MTCL2: variants seen among roughly 807,000 people sequenced by gnomAD.
MTCL2 encodes microtubule crosslinking factor 2.
the MTCL2 span, chr20:36,784,692 G>A: frequency 6.1e-6 from 6 of 985,348 alleles, no homozygotes; most frequent in African/African-American, 1.7e-5. Flanking sequence ...GAGCCACATC[G>A]AAATCCAACC....
At chr20:36,808,677 G>A in the MTCL2 span, 8 of 1,611,060 alleles carry the variant, frequency 5.0e-6, no homozygotes, top group East Asian at 4.5e-5. Flanking sequence ...TCCAGCCTCC[G>A]CTGGAGGCTC....
the MTCL2 span, among the ~76,000 whole-genome samples, chr20:36,790,475 C>T: frequency 7.1e-6 from 1 of 140,020 alleles, no homozygotes; most frequent in South Asian, 2.3e-4. Context: ...TGCTCTGTTG[C>T]CCAGGCTAGA....
the MTCL2 span, among the ~76,000 whole-genome samples, chr20:36,855,552 G>A: frequency 6.6e-6 from 1 of 152,230 alleles, no homozygotes; most frequent in African/African-American, 2.4e-5. Context: ...CATGGATGAG[G>A]TCATGCATGT....
chr20:36,777,672 T>C, the MTCL2 span: 1 of 484,888 alleles, frequency 2.1e-6, no homozygotes, highest in Admixed American at 4.4e-5. Flanking sequence ...GGCCCAAGGA[T>C]GCCCTTGGTC....
chr20:36,785,435 G>T, the MTCL2 span: 1 of 985,126 alleles, frequency 1.0e-6, no homozygotes, highest in South Asian at 4.7e-5. Flanking sequence ...AACAATCTAG[G>T]CAAGATACGT....
At chr20:36,784,492 A>C in the MTCL2 span, 3 of 985,452 alleles carry the variant, frequency 3.0e-6, no homozygotes, top group Non-Finnish European at 3.6e-6. Flanking sequence ...CAGCAAAGCT[A>C]CTGGCTTTTG....
the MTCL2 span, among the ~76,000 whole-genome samples, chr20:36,790,267 A>C: frequency 6.6e-6 from 1 of 151,734 alleles, no homozygotes; most frequent in African/African-American, 2.4e-5. Context: ...CTGGGATTAC[A>C]GGCGTGAGCC....
the MTCL2 span, chr20:36,839,158 G>T: frequency 6.6e-7 from 1 of 1,515,128 alleles, no homozygotes; most frequent in Non-Finnish European, 8.9e-7. This position sits in a 1 kb window ranked among gnomAD's most constrained non-coding sequence, Gnocchi z 5.1. Context: ...GGCCAACCTG[G>T]GCCCCACTTA....
the MTCL2 span, among the ~76,000 whole-genome samples, chr20:36,859,154 G>T: frequency 6.6e-6 from 1 of 152,190 alleles, no homozygotes; most frequent in Non-Finnish European, 1.5e-5. Flanking sequence ...ACTTGCCCAT[G>T]GCCACACAGT....
the MTCL2 span, among the ~76,000 whole-genome samples, chr20:36,831,384 G>T: frequency 6.6e-6 from 1 of 152,210 alleles, no homozygotes; most frequent in Non-Finnish European, 1.5e-5. Flanking sequence ...ATAGCCCAGG[G>T]TTTCCCAGGG....
chr20:36,786,271 C>A, the MTCL2 span: 1 of 1,246,686 alleles, frequency 8.0e-7, no homozygotes, highest in African/African-American at 1.5e-5. Flanking sequence ...ACTGCCTTCC[C>A]CTGGGAAGTC....
the MTCL2 span, among the ~76,000 whole-genome samples, chr20:36,795,175 GTGA>G: frequency 6.6e-6 from 1 of 151,994 alleles, no homozygotes. Context: ...CTGACCTCAG[GTGA>G]TCCACCCGCC....
At chr20:36,857,943 G>A in the MTCL2 span, among the ~76,000 whole-genome samples, 9 of 152,120 alleles carry the variant, frequency 5.9e-5, no homozygotes, top group Admixed American at 5.9e-4. Flanking sequence ...CCATGTTACA[G>A]AAGGAACAAT....
chr20:36,790,097 T>C, the MTCL2 span, among the ~76,000 whole-genome samples: 1 of 150,758 alleles, frequency 6.6e-6, no homozygotes, highest in South Asian at 2.1e-4. Context: ...GTTCATGCCA[T>C]TCTCCTGCCT....
the MTCL2 span, among the ~76,000 whole-genome samples, chr20:36,840,761 G>T: frequency 6.6e-6 from 1 of 150,672 alleles, no homozygotes; most frequent in Non-Finnish European, 1.5e-5. Context: ...CAGGAGAATG[G>T]CGTGAACCCA....
the MTCL2 span, among the ~76,000 whole-genome samples, chr20:36,842,566 G>A: frequency 6.6e-6 from 1 of 152,350 alleles, no homozygotes; most frequent in East Asian, 1.9e-4. Flanking sequence ...GAGGCCAGGA[G>A]TTCAAGACCA....
the MTCL2 span, among the ~76,000 whole-genome samples, chr20:36,806,954 T>C: frequency 5.3e-5 from 8 of 152,194 alleles, no homozygotes; most frequent in Non-Finnish European, 8.8e-5. Flanking sequence ...ACTTAAAATA[T>C]AGACTGTGTG....
chr20:36,784,423 G>A, the MTCL2 span: 1 of 985,696 alleles, frequency 1.0e-6, no homozygotes, highest in Non-Finnish European at 1.2e-6. Flanking sequence ...GGGTGGGTCT[G>A]GGAACTGGCA....
At chr20:36,792,260 C>G in the MTCL2 span, among the ~76,000 whole-genome samples, 1 of 152,310 alleles carries the variant, frequency 6.6e-6, no homozygotes, top group South Asian at 2.1e-4. Flanking sequence ...GTAATCCTAA[C>G]ACTTTGGGAG....
Sources: gnomAD v4.1 joint callset for allele counts (sites outside exome capture counted in the v4.1 genomes callset) on GRCh38, gnomAD v4.1.1 for gene constraint, Gnocchi (gnomAD v3.1) non-coding constraint, MANE v1.5 for transcripts, NCBI Gene and HGNC (gene_info 2026-07-23, HGNC 2026-07-21) for gene names.